NQO1: variants seen among roughly 807,000 people sequenced by gnomAD.
NQO1 encodes NAD(P)H quinone dehydrogenase 1, also known as NAD(P)H dehydrogenase [quinone] 1.
NQO1 carries 30 observed loss-of-function variants against 32.1 expected under a neutral mutation model. The ratio of observed to expected loss-of-function variants is 0.94; its 90% CI spans 0.70 to 1.27. The LOEUF is 1.27. Ranked by LOEUF, NQO1 falls within the 50% of genes most tolerant of loss-of-function variation. NQO1 has a pLI of 0.00. For synonymous variants in NQO1, 109 were observed against 119.7 expected (o/e 0.91, Z 0.59); for missense variants, 276 against 331.3 (o/e 0.83, Z 1.30).
intron 3 of NQO1, among the ~76,000 whole-genome samples, chr16:69,716,059 A>G (rs1414253913): frequency 6.6e-6 from 1 of 151,530 alleles, no homozygotes; most frequent in African/African-American, 2.4e-5. Flanking sequence ...TCCCAGCTAT[A>G]TGAGAGGCTG....
chr16:69,724,082 G>A lies in NQO1; in HGVS notation c.7+2351C>T, dbSNP rs2038228967. Among the ~76,000 whole-genome samples the A allele has an allele frequency of 2.0e-5, 3 of 151,924 alleles. No individual in the cohort carries two copies. The South Asian group carries it at 6.2e-4, about 32-fold the overall frequency. On this transcript the variant is annotated intron_variant, in intron 1 of 5. Coordinates refer to ENST00000320623, the MANE Select transcript of NQO1 (RefSeq NM_000903.3). ...TAATCGTAGCACTTTGGGAGACCGA[G>A]GCGGGTGGATTACTTGAGGTCAGGA...
At chr16:69,714,236 C>T (rs941312804) in intron 4 of NQO1, among the ~76,000 whole-genome samples, 1 of 151,600 alleles carries the variant, frequency 6.6e-6, no homozygotes, top group Admixed American at 6.6e-5. Flanking sequence ...GTGGCGCGAT[C>T]TTGGCTCACT....
At chr16:69,717,604 T>C (rs926511116) in intron 3 of NQO1, among the ~76,000 whole-genome samples, 3 of 151,610 alleles carry the variant, frequency 2.0e-5, no homozygotes, top group African/African-American at 7.3e-5. Context: ...CATTTCTTTC[T>C]TTCTTTTTTT....
chr16:69,726,433 C>T lies in NQO1; in HGVS notation c.7G>A (p.Gly3Ser), dbSNP rs752315053. ...GCACCCCGCCCTTTGCAGCACTCAC[C>T]GACCATGGCTCTGGTGCAGTCCGGG... is the stretch of plus-strand genomic sequence containing the variant. MV[G>S]RRALIVLAHS... The change falls in exon 1 of 6, where the codon GGC becomes AGC. Residue 3 changes from glycine (G) to serine (S), a missense_variant and splice_region_variant. Coordinates refer to ENST00000320623, the MANE Select transcript of NQO1 (RefSeq NM_000903.3). 11 of 1,611,946 alleles carry T rather than the reference C, an allele frequency of 6.8e-6. No individual in the cohort carries two copies. The highest frequency in any genetic ancestry group is 9.3e-6 in the Non-Finnish European group (11 of 1,179,520).
intron 1 of NQO1, among the ~76,000 whole-genome samples, chr16:69,721,034 C>A (rs1200989036): frequency 3.4e-5 from 5 of 148,850 alleles, no homozygotes; most frequent in African/African-American, 1.2e-4. Context: ...GTGTGCACCA[C>A]CACACCTAAT....
At chr16:69,717,258 A>C (rs2038126071) in intron 3 of NQO1, among the ~76,000 whole-genome samples, 1 of 152,210 alleles carries the variant, frequency 6.6e-6, no homozygotes, top group South Asian at 2.1e-4. Flanking sequence ...ATGCACGCAC[A>C]ATCCCAGCAT....
chr16:69,713,918 C>G (rs1463362735), intron 4 of NQO1, among the ~76,000 whole-genome samples: 1 of 93,198 alleles, frequency 1.1e-5, no homozygotes. Context: ...CTCTGTCACC[C>G]AGCCTGGAGT....
chr16:69,726,414 C>A lies in NQO1; in HGVS notation c.7+19G>T, dbSNP rs748680225. On this transcript the variant is annotated intron_variant, in intron 1 of 5. Coordinates refer to ENST00000320623, the MANE Select transcript of NQO1 (RefSeq NM_000903.3). ...CTCGAGAGACGACCGCCAAGCACCC[C>A]GCCCTTTGCAGCACTCACCGACCAT... is the stretch of plus-strand genomic sequence containing the variant. The A allele has an allele frequency of 6.2e-7, 1 of 1,611,880 alleles. No individual in the cohort carries two copies. Among genetic ancestry groups the A allele is most frequent in the Non-Finnish European group, 8.5e-7 (1 of 1,179,222 alleles).
At chr16:69,723,008 A>T (rs1482048736) in intron 1 of NQO1, among the ~76,000 whole-genome samples, 1 of 152,104 alleles carries the variant, frequency 6.6e-6, no homozygotes, top group African/African-American at 2.4e-5. Context: ...GCTCACTGCA[A>T]GCTCCGCCTC....
chr16:69,711,989 C>G, intron 5 of NQO1, among the ~76,000 whole-genome samples: 1 of 152,140 alleles, frequency 6.6e-6, no homozygotes, highest in East Asian at 1.9e-4. Flanking sequence ...GCTCTTCTCT[C>G]CAACCTCCCT....
intron 3 of NQO1, among the ~76,000 whole-genome samples, chr16:69,717,642 G>A (rs1294322121): frequency 1.4e-5 from 2 of 143,324 alleles, no homozygotes; most frequent in Non-Finnish European, 3.0e-5. Flanking sequence ...ATCTCGCTCT[G>A]TCGCCATGTC....
In NQO1 at chr16:69,711,125, T is replaced by C. The variant is rs565329854; in HGVS notation, c.676A>G (p.Ser226Gly). The C allele has an allele frequency of 1.6e-5, 26 of 1,614,196 alleles. No homozygotes were observed. The highest frequency in any genetic ancestry group is 7.7e-5 in the South Asian group (7 of 91,084). Reference protein sequence around the residue: ...WDETPLYFAPSSLFDLNFQAG... With the variant: ...WDETPLYFAPGSLFDLNFQAG... ...TGGAAGTTTAGGTCAAAGAGGCTGC[T>C]TGGAGCAAAATACAGTGGTGTCTCA... The change falls in exon 6 of 6, where the codon AGC (serine) becomes GGC (glycine). Residue 226 changes from serine (S) to glycine (G), a missense_variant. Ser to Gly is a moderately conservative substitution (Grantham distance 56, BLOSUM62 0). Coordinates refer to ENST00000320623, the MANE Select transcript of NQO1 (RefSeq NM_000903.3).
Position 69,722,722 on chromosome 16 carries a change from G to T in NQO1, c.7+3711C>A, listed in dbSNP as rs140291925. 5.1e-4 allele frequency among the ~76,000 whole-genome samples: 78 copies of T among 152,290 alleles called. No individual in the cohort carries two copies. The East Asian group carries it at 0.014, about 27-fold the overall frequency. ...AGGTGTCTGGTGATGATTTCAATGCGCTGGAAGTGATTGACTTGCTTGGGA... is the reference window on the plus strand; with the variant it reads ...AGGTGTCTGGTGATGATTTCAATGCTCTGGAAGTGATTGACTTGCTTGGGA... On this transcript the variant is annotated intron_variant, in intron 1 of 5. Coordinates refer to ENST00000320623, the MANE Select transcript of NQO1 (RefSeq NM_000903.3).
intron 2 of NQO1, 37 bp from the exon 3 acceptor site, chr16:69,718,290 G>A (rs1567632927): frequency 6.2e-7 from 1 of 1,613,432 alleles, no homozygotes; most frequent in Non-Finnish European, 8.5e-7. Context: ...GGCCAGAGGG[G>A]CCAAAGCTGG....
At chr16:69,714,942 G>C (rs749627453) in intron 4 of NQO1, 22 bp downstream of exon 4, 2 of 1,532,944 alleles carry the variant, frequency 1.3e-6, no homozygotes, top group Admixed American at 1.7e-5. Flanking sequence ...GGCTGTCAGA[G>C]CATTCAGAAC....
At position 69,711,971 on chromosome 16, in the gene NQO1, A is replaced by T. The variant is rs548390259; in HGVS notation, c.520-690T>A. ...TGATAAATGATTTTCATAAGTGGCC[A>T]CTCACTGGCTCTTCTCTCCAACCTC... On this transcript the variant is annotated intron_variant, in intron 5 of 5. Coordinates refer to ENST00000320623, the MANE Select transcript of NQO1 (RefSeq NM_000903.3). Among the ~76,000 whole-genome samples the T allele has an allele frequency of 2.0e-5, 3 of 151,982 alleles. No individual in the cohort carries two copies. In the South Asian group the frequency reaches 6.2e-4, roughly 32 times the overall value.
At position 69,718,367 on chromosome 16, in the gene NQO1, T is replaced by C. The variant is rs55720291; in HGVS notation, c.172+3A>G. ...TAAAGAGGGGAGGAGGAACTCCTCC[T>C]ACCTGTGATGTCCTTTCTGGAAATG... On this transcript the variant is annotated splice_donor_region_variant and intron_variant, in intron 2 of 5. Coordinates refer to ENST00000320623, the MANE Select transcript of NQO1 (RefSeq NM_000903.3). The C allele has an allele frequency of 6.6e-5, 106 of 1,614,184 alleles. 2 individuals carry two copies. The highest frequency in any genetic ancestry group is 3.8e-4 in the East Asian group (17 of 44,892).
intron 3 of NQO1, among the ~76,000 whole-genome samples, chr16:69,717,679 C>A (rs886929799): frequency 4.0e-5 from 6 of 151,104 alleles, no homozygotes; most frequent in Non-Finnish European, 7.4e-5. Flanking sequence ...GTGGCGCAAT[C>A]TTGGTTCACT....
chr16:69,718,237 A>G lies in NQO1; in HGVS notation c.189T>C (p.Pro63=). The change falls in exon 3 of 6, where the codon CCT becomes CCC. Residue 63 remains proline, a synonymous_variant. Coordinates refer to ENST00000320623, the MANE Select transcript of NQO1 (RefSeq NM_000903.3). ...RKDITGKLKD[P]ANFQYPAESV... ...ACTCGGCAGGATACTGAAAGTTCGC[A>G]GGGTCCTTCAGTTTACCTGCAGAGA... is the stretch of plus-strand genomic sequence containing the variant. The G allele has an allele frequency of 6.2e-7, 1 of 1,614,160 alleles. No homozygotes were observed. The highest frequency in any genetic ancestry group is 1.3e-5 in the African/African-American group (1 of 75,054).
Sources: gnomAD v4.1 joint callset for allele counts (sites outside exome capture counted in the v4.1 genomes callset) on GRCh38, gnomAD v4.1.1 for gene constraint, MANE v1.5 for transcripts, NCBI Gene and HGNC (gene_info 2026-07-23, HGNC 2026-07-21) for gene names.